LIG3: variants seen among roughly 807,000 people sequenced by gnomAD.
LIG3 encodes DNA ligase 3.
In LIG3, 58 loss-of-function variants were observed where a neutral mutation model predicts 110.9. The ratio of observed to expected loss-of-function variants is 0.52; its 90% CI spans 0.42 to 0.65. LIG3 has a LOEUF of 0.65. LIG3 is among the 30% of genes least tolerant of loss of function. The pLI is 0.00. For missense variants in LIG3, 1,094 were observed against 1,273.8 expected (o/e 0.86, Z 2.15); for synonymous variants, 422 against 472.8 (o/e 0.89, Z 1.39).
chr17:34,985,545 A>G (rs567320184), intron 2 of LIG3, among the ~76,000 whole-genome samples: 5 of 152,048 alleles, frequency 3.3e-5, no homozygotes, highest in African/African-American at 1.2e-4. Context: ...GCATCTGGAA[A>G]TTTTCCTTCC....
In LIG3 at chr17:34,983,449, G is replaced by C. The variant is rs1441563785; in HGVS notation, c.444G>C (p.Glu148Asp). The C allele has an allele frequency of 7.4e-6, 12 of 1,614,044 alleles. No homozygotes were observed. The highest frequency in any genetic ancestry group is 1.0e-5 in the Non-Finnish European group (12 of 1,180,050). ...TTAAATGCATGTTTGAGAAACTAGA[G>C]CGGGCCCGGGCCACCACAAAAAAAA... is the stretch of plus-strand genomic sequence containing the variant. ...YHIKCMFEKL[E>D]RARATTKKIE... Residue 148 changes from glutamate (E) to aspartate (D), a missense_variant, in exon 2 of 20, where the codon GAG (glutamate) becomes GAC (aspartate). By Grantham distance (45) the Glu-to-Asp change is conservative. Coordinates refer to ENST00000378526, the MANE Select transcript of LIG3 (RefSeq NM_013975.4).
intron 9 of LIG3, among the ~76,000 whole-genome samples, chr17:34,994,969 T>C (rs1445227473): frequency 6.6e-6 from 1 of 152,188 alleles, no homozygotes; most frequent in African/African-American, 2.4e-5. Context: ...TAGATTCCTG[T>C]TCTAATCAGG....
rs2090923115 is a variant in LIG3 at position 35,009,638 on chromosome 17, C to G, written c.*5132C>G. ...GACACCTTTTTTCCTAAAGGGAAAC[C>G]TTCACCAAAAGGGGATAAAAGATTT... On this transcript the variant is annotated 3_prime_UTR_variant, in exon 20 of 20. Transcript: ENST00000378526. The G allele has an allele frequency of 2.0e-5, 3 of 150,558 alleles. No homozygotes were observed. The highest frequency in any genetic ancestry group is 4.4e-5 in the Non-Finnish European group (3 of 67,842). 9.3% of individuals were successfully genotyped at this position (150,558 alleles called of 1,614,324 possible).
At chr17:35,000,608 C>CTTTTTTTTTTTTTTTTTTTTTT (rs57663136) in intron 16 of LIG3, among the ~76,000 whole-genome samples, 1 of 80,406 alleles carries the variant, frequency 1.2e-5, no homozygotes, top group Non-Finnish European at 2.3e-5. Context: ...TTGGGAGATA[C>CTTTTTTTTTTTTTTTTTTTTTT]TTTTTTTTTT....
chr17:34,992,054 G>T lies in LIG3; in HGVS notation c.1286+19G>T. 1 of 1,605,448 alleles carries T rather than the reference G, an allele frequency of 6.2e-7. No individual in the cohort carries two copies. On this transcript the variant is annotated intron_variant, in intron 7 of 19. Transcript: ENST00000378526. ...AACATGTGTAAGTAGCAGCTCCGCT[G>T]ACAGCCTGAGCTGTCATTTGTTAGC...
chr17:35,002,704 T>C lies in LIG3; in HGVS notation c.2711T>C (p.Val904Ala), dbSNP rs2090856691. Residue 904 changes from valine to alanine, a missense_variant, in exon 19 of 20, where the codon GTG (valine) becomes GCG (alanine). Coordinates refer to ENST00000378526, the MANE Select transcript of LIG3 (RefSeq NM_013975.4). ...MQTAKPSAMK[V>A]GEKLATKSSP... is the part of the protein sequence containing the mutation. Reference sequence around the variant, plus strand: ...ACTGCAAAGCCTTCCGCTATGAAGGTGGGGGAGAAGCTGGCCACAAAGTCT... The same window carrying C: ...ACTGCAAAGCCTTCCGCTATGAAGGCGGGGGAGAAGCTGGCCACAAAGTCT... 6.2e-7 allele frequency: 1 copy of C among 1,613,402 alleles called. No homozygotes were observed. The highest frequency in any genetic ancestry group is 8.5e-7 in the Non-Finnish European group (1 of 1,179,800).
rs201094446 is a variant in LIG3 at position 34,983,004 on chromosome 17, A to C, written c.-2A>C. On this transcript the variant is annotated splice_region_variant and 5_prime_UTR_variant, in exon 2 of 20. Coordinates refer to ENST00000378526, the MANE Select transcript of LIG3 (RefSeq NM_013975.4). ...TGGCCTCCTACTCTTTCGTACAGCT[A>C]TATGTCTTTGGCTTTCAAGATCTTC... 6.5e-7 allele frequency: 1 copy of C among 1,536,096 alleles called. No homozygotes were observed. The highest frequency in any genetic ancestry group is 8.7e-7 in the Non-Finnish European group (1 of 1,144,186).
Position 35,001,890 on chromosome 17 carries a change from T to C in LIG3, c.2479-19T>C, listed in dbSNP as rs368167339. The C allele has an allele frequency of 1.9e-6, 3 of 1,601,534 alleles. No individual in the cohort carries two copies. Among genetic ancestry groups the C allele is most frequent in the Admixed American group, 1.8e-5 (1 of 55,974 alleles). On this transcript the variant is annotated intron_variant, in intron 17 of 19. Transcript: ENST00000378526. ...GGGAAGGCAATGAAACCCTCTGACA[T>C]TGTCCCTCCCCGCCTCAGGAACTGT...
At chr17:34,999,241 C>T (rs2090813635) in intron 14 of LIG3, 66 bp from the exon 15 acceptor site, 2 of 1,551,078 alleles carry the variant, frequency 1.3e-6, no homozygotes, top group East Asian at 2.3e-5. Flanking sequence ...TCTCCCTGGC[C>T]CTGGGCTCTT....
At position 35,005,916 on chromosome 17, in the gene LIG3, G is replaced by A. The variant is rs1196678621; in HGVS notation, c.*1410G>A. On this transcript the variant is annotated 3_prime_UTR_variant, in exon 20 of 20. Transcript: ENST00000378526. ...AAGCTCGGACTAGAATTTCTTCTTG[G>A]TATCAGAGAGACAAGTTTATCACAG... 4.1e-5 allele frequency: 13 copies of A among 318,202 alleles called. No homozygotes were observed. Among genetic ancestry groups the A allele is most frequent in the Middle Eastern group, 1.1e-3 (1 of 900 alleles). 19.7% of individuals were successfully genotyped at this position (318,202 alleles called of 1,614,324 possible).
intron 1 of LIG3, among the ~76,000 whole-genome samples, chr17:34,982,419 C>T (rs932860724): frequency 6.6e-6 from 1 of 151,942 alleles, no homozygotes; most frequent in African/African-American, 2.4e-5. Flanking sequence ...CCGAGGCGGG[C>T]GAATCACCTG....
chr17:34,999,078 A>G, intron 14 of LIG3: 1 of 547,930 alleles, frequency 1.8e-6, no homozygotes, highest in Non-Finnish European at 3.2e-6. Flanking sequence ...TGTCCAACAC[A>G]GTTCAATGCC....
chr17:34,992,185 G>T, intron 7 of LIG3, 150 bp downstream of exon 7: 1 of 714,534 alleles, frequency 1.4e-6, no homozygotes, highest in Non-Finnish European at 2.4e-6. Context: ...CACTTGACCT[G>T]TCTCTGCCTC....
At chr17:34,987,075 T>C (rs1400446952) in intron 3 of LIG3, among the ~76,000 whole-genome samples, 1 of 152,232 alleles carries the variant, frequency 6.6e-6, no homozygotes, top group Non-Finnish European at 1.5e-5. Flanking sequence ...AATAAAGTGT[T>C]AAGTTTCCTG....
In LIG3 at chr17:35,005,300, A is replaced by G. The variant is rs747723978; in HGVS notation, c.*794A>G. 5 of 541,578 alleles carry G rather than the reference A, an allele frequency of 9.2e-6. No individual in the cohort carries two copies. Among genetic ancestry groups the G allele is most frequent in the East Asian group, 5.0e-5 (1 of 19,954 alleles). The allele number at this position is 541,578 out of a possible 1,614,324, so 33.5% of individuals were successfully genotyped here. A position where few individuals can be genotyped will look rare whatever the true frequency, so the allele number is the denominator to read the frequency against. ...AAGAACAGCCCTTGTTGCCACCAAC[A>G]TGGAGACTTTGTACCATATCCCATT... On this transcript the variant is annotated 3_prime_UTR_variant, in exon 20 of 20. Transcript: ENST00000378526.
At chr17:35,003,077 C>CAGTG in intron 19 of LIG3, 2 of 1,613,880 alleles carry the variant, frequency 1.2e-6, no homozygotes, top group Non-Finnish European at 1.7e-6. Context: ...GGAGAGACTG[C>CAGTG]AGGGACTCAC....
At chr17:35,000,288 C>T (rs952262542) in intron 16 of LIG3, among the ~76,000 whole-genome samples, 1 of 152,232 alleles carries the variant, frequency 6.6e-6, no homozygotes, top group Non-Finnish European at 1.5e-5. Flanking sequence ...GACGGAGTTT[C>T]ACTCTTGTTG....
In LIG3 at chr17:35,009,286, G is replaced by A. The variant is rs1337727185; in HGVS notation, c.*4780G>A. Reference sequence around the variant, plus strand: ...CACAAATTTATACAATGTATATTGAGCACTAGTTCCTGTACAGCTTATTCT... The same window carrying A: ...CACAAATTTATACAATGTATATTGAACACTAGTTCCTGTACAGCTTATTCT... On this transcript the variant is annotated 3_prime_UTR_variant, in exon 20 of 20. Coordinates refer to ENST00000378526, the MANE Select transcript of LIG3 (RefSeq NM_013975.4). The A allele has an allele frequency of 6.6e-6, 1 of 152,430 alleles. No individual in the cohort carries two copies. The highest frequency in any genetic ancestry group is 2.4e-5 in the African/African-American group (1 of 41,432). The allele number at this position is 152,430 out of a possible 1,614,324, so 9.4% of individuals were successfully genotyped here.
At chr17:34,998,418 A>G in intron 13 of LIG3, 122 bp downstream of exon 13, 1 of 1,094,990 alleles carries the variant, frequency 9.1e-7, no homozygotes, top group South Asian at 1.4e-5. Flanking sequence ...CTGCTGGGGA[A>G]GTGTGGGCAG....
Sources: gnomAD v4.1 joint callset for allele counts (sites outside exome capture counted in the v4.1 genomes callset) on GRCh38, gnomAD v4.1.1 for gene constraint, MANE v1.5 for transcripts, NCBI Gene and HGNC (gene_info 2026-07-23, HGNC 2026-07-21) for gene names.